KCNQ1OT1: variants seen among roughly 807,000 people sequenced by gnomAD.
KCNQ1OT1 encodes the protein KCNQ1 opposite strand/antisense transcript 1.
chr11:2,654,389 G>A lies in KCNQ1OT1; in HGVS notation n.45606C>T, dbSNP rs1487482307. 1.3e-5 allele frequency: 5 copies of A among 398,478 alleles called. No homozygotes were observed. Among genetic ancestry groups the A allele is most frequent in the African/African-American group, 2.1e-5 (1 of 48,592 alleles). The allele number at this position is 398,478 out of a possible 1,614,324, so 24.7% of individuals were successfully genotyped here. ...TCCTTGTGAAGTAGGCTGGCTCAGG[G>A]AACTCGCCTGTGCCAAACCCTGGGG... On this transcript the variant is annotated non_coding_transcript_exon_variant, in exon 1 of 1. Transcript: ENST00000597346. This position sits in a 1 kb window ranked among gnomAD's most constrained non-coding sequence, Gnocchi z 6.4.
chr11:2,616,217 ATTTTT>A, exon 1 of KCNQ1OT1: 3 of 384,776 alleles, frequency 7.8e-6, no homozygotes, highest in Non-Finnish European at 1.4e-5. Flanking sequence ...TTTTTTTCTT[ATTTTT>A]GTTTTTTTTT....
In KCNQ1OT1 at chr11:2,647,839, C is replaced by A. The variant is rs1043041037; in HGVS notation, n.52156G>T. 4 of 398,354 alleles carry A rather than the reference C, an allele frequency of 1.0e-5. No individual in the cohort carries two copies. Among genetic ancestry groups the A allele is most frequent in the Middle Eastern group, 6.3e-4 (1 of 1,588 alleles). The allele number at this position is 398,354 out of a possible 1,614,324, so 24.7% of individuals were successfully genotyped here. A position where few individuals can be genotyped will look rare whatever the true frequency, so the allele number is the denominator to read the frequency against. ...TATTTCTGTGGTGTCCATTGTAAGT[C>A]TCCTTTTTCATTTCTGATTTTATTT... On this transcript the variant is annotated non_coding_transcript_exon_variant, in exon 1 of 1. Coordinates refer to ENST00000597346, the Ensembl canonical transcript of KCNQ1OT1. The surrounding 1 kb of genome is among the most constrained non-coding windows in gnomAD (Gnocchi z 4.0).
At position 2,657,009 on chromosome 11, in the gene KCNQ1OT1, C is replaced by T; in HGVS notation, n.42986G>A. 2.5e-6 allele frequency: 1 copy of T among 398,604 alleles called. No homozygotes were observed. Among genetic ancestry groups the T allele is most frequent in the Non-Finnish European group, 4.4e-6 (1 of 226,060 alleles). The allele number at this position is 398,604 out of a possible 1,614,324, so 24.7% of individuals were successfully genotyped here. A position where few individuals can be genotyped will look rare whatever the true frequency, so the allele number is the denominator to read the frequency against. ...GCTCTTCCCAGGATGTGCAGGCCAC[C>T]TCTGATACACAGCAAGCTTCCATAT... On this transcript the variant is annotated non_coding_transcript_exon_variant, in exon 1 of 1. Transcript: ENST00000597346. The surrounding 1 kb of genome is among the most constrained non-coding windows in gnomAD (Gnocchi z 4.8).
exon 1 of KCNQ1OT1, chr11:2,648,968 C>CTG: frequency 2.7e-6 from 1 of 369,122 alleles, no homozygotes; most frequent in Non-Finnish European, 4.6e-6. Flanking sequence ...TCCTTTGTCT[C>CTG]TTTTTTCTTT....
exon 1 of KCNQ1OT1, chr11:2,629,092 C>A: frequency 2.5e-6 from 1 of 397,960 alleles, no homozygotes; most frequent in South Asian, 1.3e-4. Context: ...TAGTTTCTTT[C>A]AAATTTTAGG....
chr11:2,641,122 T>C (rs1849569624), exon 1 of KCNQ1OT1: 1 of 398,544 alleles, frequency 2.5e-6, no homozygotes, highest in Non-Finnish European at 4.4e-6. Flanking sequence ...AGTGCTGCAA[T>C]AAACACGGGG....
chr11:2,621,638 C>A lies in KCNQ1OT1; in HGVS notation n.78357G>T, dbSNP rs1387851107. On this transcript the variant is annotated non_coding_transcript_exon_variant, in exon 1 of 1. Transcript: ENST00000597346. The surrounding 1 kb of genome is among the most constrained non-coding windows in gnomAD (Gnocchi z 5.7). ...GTTGGTTTTTTTCTAGGAATTTGTCCATTTCCTCTAGGTTATCCAATTTGT... is the reference window on the plus strand; with the variant it reads ...GTTGGTTTTTTTCTAGGAATTTGTCAATTTCCTCTAGGTTATCCAATTTGT... The A allele has an allele frequency of 4.5e-5, 18 of 398,200 alleles. No homozygotes were observed. The allele number at this position is 398,200 out of a possible 1,614,324, so 24.7% of individuals were successfully genotyped here.
chr11:2,609,195 GT>G (rs1181636852), exon 1 of KCNQ1OT1: 1 of 398,032 alleles, frequency 2.5e-6, no homozygotes, highest in African/African-American at 2.1e-5. Flanking sequence ...TGCTTTAAAT[GT>G]ATCCCATAAG....
Position 2,621,384 on chromosome 11 carries a change from A to G in KCNQ1OT1, n.78611T>C, listed in dbSNP as rs538476426. On this transcript the variant is annotated non_coding_transcript_exon_variant, in exon 1 of 1. Transcript: ENST00000597346. The surrounding 1 kb of genome is among the most constrained non-coding windows in gnomAD (Gnocchi z 5.7). ...TATGTTCCTGTCCTTTGCCAATTCA[A>G]TTGGATTATTCGTTTTTTGCTTGTT... 4 of 398,496 alleles carry G rather than the reference A, an allele frequency of 1.0e-5. No homozygotes were observed. The highest frequency in any genetic ancestry group is 2.1e-5 in the African/African-American group (1 of 48,700). The allele number at this position is 398,496 out of a possible 1,614,324, so 24.7% of individuals were successfully genotyped here.
chr11:2,629,707 T>C (rs747595123), exon 1 of KCNQ1OT1: 40 of 398,528 alleles, frequency 1.0e-4, no homozygotes, highest in South Asian at 2.5e-4. Context: ...ATTGTTTTCT[T>C]AATTTGTTTT....
In KCNQ1OT1 at chr11:2,677,734, T is replaced by G. The variant is rs1186030581; in HGVS notation, n.22261A>C. On this transcript the variant is annotated non_coding_transcript_exon_variant, in exon 1 of 1. Transcript: ENST00000597346. The surrounding 1 kb of genome is among the most constrained non-coding windows in gnomAD (Gnocchi z 4.5). ...ATCAAATATCTCTATTGTAAAATTT[T>G]GGTCTCCGTTTTCAGTGGATTTACT... is the stretch of plus-strand genomic sequence containing the variant. 2.5e-6 allele frequency: 1 copy of G among 398,496 alleles called. No homozygotes were observed. Among genetic ancestry groups the G allele is most frequent in the African/African-American group, 2.1e-5 (1 of 48,640 alleles). The allele number at this position is 398,496 out of a possible 1,614,324, so 24.7% of individuals were successfully genotyped here. A position where few individuals can be genotyped will look rare whatever the true frequency, so the allele number is the denominator to read the frequency against.
Position 2,674,706 on chromosome 11 carries a change from A to C in KCNQ1OT1, n.25289T>G. The C allele has an allele frequency of 5.0e-6, 2 of 396,882 alleles. No homozygotes were observed. The highest frequency in any genetic ancestry group is 4.4e-6 in the Non-Finnish European group (1 of 225,668). 24.6% of individuals were successfully genotyped at this position (396,882 alleles called of 1,614,324 possible). A position where few individuals can be genotyped will look rare whatever the true frequency, so the allele number is the denominator to read the frequency against. ...GTTGAACCTTAAACCTTTCCTGATG[A>C]CTCCTTCCTTCTGAACTTAACTCGT... On this transcript the variant is annotated non_coding_transcript_exon_variant, in exon 1 of 1. Coordinates refer to ENST00000597346, the Ensembl canonical transcript of KCNQ1OT1. This position sits in a 1 kb window ranked among gnomAD's most constrained non-coding sequence, Gnocchi z 5.9.
chr11:2,696,100 C>T, exon 1 of KCNQ1OT1: 3 of 398,606 alleles, frequency 7.5e-6, no homozygotes, highest in Non-Finnish European at 1.3e-5. Flanking sequence ...AACAGAAATC[C>T]TTAATCCATA....
In KCNQ1OT1 at chr11:2,674,231, G is replaced by A. The variant is rs1590023418; in HGVS notation, n.25764C>T. 5.0e-6 allele frequency: 2 copies of A among 398,752 alleles called. No homozygotes were observed. Among genetic ancestry groups the A allele is most frequent in the Non-Finnish European group, 4.4e-6 (1 of 226,180 alleles). The allele number at this position is 398,752 out of a possible 1,614,324, so 24.7% of individuals were successfully genotyped here. On this transcript the variant is annotated non_coding_transcript_exon_variant, in exon 1 of 1. Transcript: ENST00000597346. This position sits in a 1 kb window ranked among gnomAD's most constrained non-coding sequence, Gnocchi z 5.9. Reference sequence around the variant, plus strand: ...GGTTTTTCTTGGGGCCCAGATAGATGTGAGCAGAGCTGGAGGCCCCTCTCT... The same window carrying A: ...GGTTTTTCTTGGGGCCCAGATAGATATGAGCAGAGCTGGAGGCCCCTCTCT...
chr11:2,675,349 G>C (rs1019777305), exon 1 of KCNQ1OT1: 3 of 398,502 alleles, frequency 7.5e-6, no homozygotes, highest in Admixed American at 4.4e-5. Flanking sequence ...TTTTTAATGA[G>C]TTTAAAACAC....
chr11:2,681,258 G>GA, exon 1 of KCNQ1OT1: 1 of 398,534 alleles, frequency 2.5e-6, no homozygotes, highest in Non-Finnish European at 4.4e-6. Flanking sequence ...GCCTCCCCAG[G>GA]AGAGAGCTTC....
Position 2,687,826 on chromosome 11 carries a change from G to T in KCNQ1OT1, n.12169C>A, listed in dbSNP as rs1270378127. ...TGGCCCCCCTCCTCTGCCCCAACTG[G>T]CTCCAGGCCAAACTCTGGTTCCTGA... On this transcript the variant is annotated non_coding_transcript_exon_variant, in exon 1 of 1. Transcript: ENST00000597346. This position sits in a 1 kb window ranked among gnomAD's most constrained non-coding sequence, Gnocchi z 5.0. 3 of 398,608 alleles carry T rather than the reference G, an allele frequency of 7.5e-6. No homozygotes were observed. Among genetic ancestry groups the T allele is most frequent in the Non-Finnish European group, 8.8e-6 (2 of 226,166 alleles). 24.7% of individuals were successfully genotyped at this position (398,608 alleles called of 1,614,324 possible). A position where few individuals can be genotyped will look rare whatever the true frequency, so the allele number is the denominator to read the frequency against.
At chr11:2,641,377 T>A in exon 1 of KCNQ1OT1, 1 of 398,376 alleles carries the variant, frequency 2.5e-6, no homozygotes, top group Non-Finnish European at 4.4e-6. Flanking sequence ...ATTTCCCTTA[T>A]AATTACTGAT....
At chr11:2,619,582 G>A (rs534567895) in exon 1 of KCNQ1OT1, 31 of 398,414 alleles carry the variant, frequency 7.8e-5, no homozygotes, top group African/African-American at 5.7e-4. Flanking sequence ...TTTTATTAAG[G>A]ATTTTTGCAT....
Sources: gnomAD v4.1 joint callset for allele counts on GRCh38, gnomAD v4.1.1 for gene constraint, Gnocchi (gnomAD v3.1) non-coding constraint, MANE v1.5 for transcripts, NCBI Gene and HGNC (gene_info 2026-07-23, HGNC 2026-07-21) for gene names.